PARVG: variants seen among roughly 807,000 people sequenced by gnomAD.
PARVG encodes parvin gamma.
PARVG carries 36 observed loss-of-function variants against 44.4 expected under a neutral mutation model. The observed-to-expected ratio is 0.81, with a 90% CI of 0.62 to 1.07. PARVG has a LOEUF of 1.07. Among genes scored for constraint, PARVG ranks in the 50% least tolerant of loss-of-function variants. PARVG has a pLI of 0.00. For missense variants in PARVG, 407 were observed against 407.4 expected, an observed-to-expected ratio of 1.00 and a Z score of 0.01; for synonymous variants, 170 against 174.1, an observed-to-expected ratio of 0.98 and a Z score of 0.19.
intron 5 of PARVG, chr22:44,188,714 G>C: frequency 5.2e-6 from 1 of 190,618 alleles, no homozygotes; most frequent in Non-Finnish European, 1.1e-5. Context: ...GGGAAGCAGG[G>C]GGGTCAGGAT....
intron 12 of PARVG, among the ~76,000 whole-genome samples, chr22:44,205,526 GC>G (rs1418899672): frequency 6.6e-6 from 1 of 152,228 alleles, no homozygotes; most frequent in Non-Finnish European, 1.5e-5. Flanking sequence ...TCAGAGTGGG[GC>G]CTGTGAGTGG....
Position 44,190,562 on chromosome 22 carries a change from A to G in PARVG, c.400A>G (p.Lys134Glu), listed in dbSNP as rs1412992011. The G allele has an allele frequency of 1.9e-6, 3 of 1,613,904 alleles. No individual in the cohort carries two copies. The African/African-American group carries it at 4.0e-5, about 22-fold the overall frequency. ...AKWSVESIFN[K>E]DLLSTLHLLV... ...CACTCTCTTCCCAGGCATCTTCAAC[A>G]AGGACCTGTTGTCTACCCTGCACCT... Residue 134 changes from lysine (K) to glutamate (E), a missense_variant, in exon 7 of 14, where the codon AAG becomes GAG. Transcript: ENST00000444313.
chr22:44,195,896 G>C (rs1251034590), intron 9 of PARVG, among the ~76,000 whole-genome samples: 1 of 152,194 alleles, frequency 6.6e-6, no homozygotes, highest in Admixed American at 6.5e-5. Flanking sequence ...GGGGCCATGT[G>C]TGTTATCTGC....
exon 1 of PARVG, chr22:44,173,014 G>T: frequency 3.1e-6 from 4 of 1,289,728 alleles, no homozygotes; most frequent in Non-Finnish European, 4.0e-6. Flanking sequence ...TGGTGCCAGC[G>T]AAGGAACAGG....
rs781465781 is a variant in PARVG, at chr22:44,192,034, CT to C, written c.505-12del. The C allele has an allele frequency of 6.2e-7, 1 of 1,613,200 alleles. No homozygotes were observed. ...TTCTGGATTATTTAATTTCTTCCCC[CT>C]TTATTTTTCTTAGAGCACCAAAAGT... On this transcript the variant is annotated splice_polypyrimidine_tract_variant and intron_variant, in intron 7 of 13. Transcript: ENST00000444313.
upstream of PARVG, chr22:44,180,851 A>C: frequency 1.1e-6 from 1 of 944,406 alleles, no homozygotes; most frequent in South Asian, 4.9e-5. Context: ...CTAACCTGTC[A>C]GAAAGGGTAG....
intron 2 of PARVG, 26 bp downstream of exon 2, chr22:44,181,943 T>C (rs1198077461): frequency 3.0e-6 from 3 of 985,528 alleles, no homozygotes; most frequent in East Asian, 1.1e-4. Flanking sequence ...GGGGCCACCA[T>C]ACTTGAGTGT....
intron 4 of PARVG, 37 bp downstream of exon 4, chr22:44,185,909 C>T (rs758083640): frequency 6.3e-7 from 1 of 1,584,458 alleles, no homozygotes; most frequent in South Asian, 1.1e-5. Flanking sequence ...TCCCTGGGTG[C>T]CTCTTGGCAG....
Position 44,190,640 on chromosome 22 carries a change from G to A in PARVG, c.478G>A (p.Val160Ile), listed in dbSNP as rs745819931. The change falls in exon 7 of 14, where the codon GTC becomes ATC. Residue 160 changes from valine to isoleucine, a missense_variant. Val to Ile is a conservative substitution (Grantham distance 29). Transcript: ENST00000444313. ...FQPDLSLPTN[V>I]QVEVITIEST... is the part of the protein sequence containing the mutation. The stretch of plus-strand genomic sequence containing the variant: ...GCCCGACCTCTCCCTCCCAACCAAC[G>A]TCCAGGTGGAGGTCATCACTATCGA... The A allele has an allele frequency of 1.2e-6, 2 of 1,613,944 alleles. No homozygotes were observed. The highest frequency in any genetic ancestry group is 1.1e-5 in the South Asian group (1 of 91,070).
chr22:44,174,559 A>G (rs1403714297), intron 1 of PARVG, among the ~76,000 whole-genome samples: 1 of 48,780 alleles, frequency 2.1e-5, no homozygotes, highest in African/African-American at 1.2e-4. Flanking sequence ...ACAAACAAAC[A>G]AAAAAAAAAA....
rs777044843 is a variant in PARVG, at chr22:44,205,804, G to T, written c.861G>T (p.Leu287=). The change falls in exon 13 of 14, where the codon CTG becomes CTT. Residue 287 remains leucine (L), a synonymous_variant. Coordinates refer to ENST00000444313, the MANE Select transcript of PARVG (RefSeq NM_022141.7). ...TGGAGCTGCTGAAGGACGAGGGCCT[G>T]CTCAGCTGCCCTGTCAGCCCTGAAG... ...LALELLKDEG[L]LSCPVSPEDI... The T allele has an allele frequency of 5.0e-6, 8 of 1,613,478 alleles. No individual in the cohort carries two copies. Among genetic ancestry groups the T allele is most frequent in the South Asian group, 4.4e-5 (4 of 91,056 alleles).
At position 44,206,749 on chromosome 22, in the gene PARVG, G is replaced by C. The variant is rs2054787328; in HGVS notation, c.*323G>C. ...TGTGTCACATCAGTCTCTCATCTCTGGGCCCAGGCTAGTGACCGCCCAGAG... is the reference window on the plus strand; with the variant it reads ...TGTGTCACATCAGTCTCTCATCTCTCGGCCCAGGCTAGTGACCGCCCAGAG... On this transcript the variant is annotated 3_prime_UTR_variant, in exon 14 of 14. Transcript: ENST00000444313. The C allele has an allele frequency of 3.1e-6, 1 of 327,274 alleles. No homozygotes were observed. Among genetic ancestry groups the C allele is most frequent in the Non-Finnish European group, 5.7e-6 (1 of 174,522 alleles). 20.3% of individuals were successfully genotyped at this position (327,274 alleles called of 1,614,324 possible).
At chr22:44,190,105 TC>T (rs1281204099) in intron 6 of PARVG, among the ~76,000 whole-genome samples, 1 of 152,014 alleles carries the variant, frequency 6.6e-6, no homozygotes, top group Non-Finnish European at 1.5e-5. Flanking sequence ...TTTAACAGAG[TC>T]CGTTTTCAAA....
At chr22:44,186,301 AGGT>A in intron 4 of PARVG, 16 of 327,558 alleles carry the variant, frequency 4.9e-5, no homozygotes, top group South Asian at 9.8e-5. Context: ...AGAACTGGTG[AGGT>A]GGTGGTGGTG....
At chr22:44,204,212 A>C (rs1238932644) in intron 12 of PARVG, among the ~76,000 whole-genome samples, 1 of 151,810 alleles carries the variant, frequency 6.6e-6, no homozygotes, top group Non-Finnish European at 1.5e-5. Flanking sequence ...CTGCCCATAC[A>C]CTCCTTTCCA....
chr22:44,177,672 A>G (rs150528853), upstream of PARVG, among the ~76,000 whole-genome samples: 149 of 152,258 alleles, frequency 9.8e-4, no homozygotes, highest in Middle Eastern at 3.4e-3. Flanking sequence ...CTCTCAGCGC[A>G]TCATTACCAG....
At chr22:44,185,694 GC>G in intron 3 of PARVG, 113 bp from the exon 4 acceptor site, 1 of 827,066 alleles carries the variant, frequency 1.2e-6, no homozygotes, top group Non-Finnish European at 1.9e-6. Flanking sequence ...GGCGGAAGTG[GC>G]AGGACCGGTG....
chr22:44,191,327 G>A (rs2054545429), intron 7 of PARVG, among the ~76,000 whole-genome samples: 1 of 149,658 alleles, frequency 6.7e-6, no homozygotes, highest in South Asian at 2.1e-4. Flanking sequence ...GTGAGGGCTT[G>A]CCTCTGACTC....
At chr22:44,196,103 G>C in intron 9 of PARVG, 52 bp from the exon 10 acceptor site, 1 of 1,605,142 alleles carries the variant, frequency 6.2e-7, no homozygotes, top group Non-Finnish European at 8.5e-7. Context: ...TCCCTGTTTG[G>C]CACAAAGATA....
Sources: gnomAD v4.1 joint callset for allele counts (sites outside exome capture counted in the v4.1 genomes callset) on GRCh38, gnomAD v4.1.1 for gene constraint, MANE v1.5 for transcripts, NCBI Gene and HGNC (gene_info 2026-07-23, HGNC 2026-07-21) for gene names.